Variants in LTBP2 observed in about 807,000 individuals in gnomAD.
The protein encoded by LTBP2 is latent-transforming growth factor beta-binding protein 2.
Under a neutral mutation model 210.6 loss-of-function variants are expected in LTBP2, and 103 were observed. The observed-to-expected ratio is 0.49, with a 90% CI of 0.42 to 0.58. The LOEUF (loss-of-function observed/expected upper bound fraction) is 0.58. Among genes scored for constraint, LTBP2 ranks in the 20% least tolerant of loss-of-function variants. LTBP2 has a pLI of 0.00. For synonymous variants in LTBP2, 1,007 were observed against 1,015.0 expected (o/e 0.99, Z 0.15); for missense variants, 2,313 against 2,494.5 (o/e 0.93, Z 1.55).
chr14:74,562,530 T>G (rs1161453574), intron 3 of LTBP2, among the ~76,000 whole-genome samples: 1 of 152,094 alleles, frequency 6.6e-6, no homozygotes, highest in Non-Finnish European at 1.5e-5. Context: ...AGAGAAAAGA[T>G]GAGTCTCCAT....
At chr14:74,588,200 T>C (rs1356560447) in intron 2 of LTBP2, among the ~76,000 whole-genome samples, 1 of 152,138 alleles carries the variant, frequency 6.6e-6, no homozygotes, top group African/African-American at 2.4e-5. Flanking sequence ...CTGCCATTAG[T>C]TTTTGTTGTT....
chr14:74,555,508 G>A lies in LTBP2; in HGVS notation c.1016C>T (p.Pro339Leu), dbSNP rs1416704433. ...QAVPLEHPSS[P>L]WGLNLTEKIK... ...CCAAGACAGGGTATCCTTACCCCAG[G>A]GGGATGAGGGGTGCTCCAGAGGTAC... The change falls in exon 4 of 36, where the codon CCC (proline) becomes CTC (leucine). Residue 339 changes from proline (P) to leucine (L), a missense_variant. Physicochemically the swap from Pro to Leu is moderately conservative, Grantham distance 98 (BLOSUM62 -3). This residue lies in a region of LTBP2 where 1,867 missense variants were observed against 1,976.9 expected (regional missense o/e 0.94). Coordinates refer to ENST00000261978, the MANE Select transcript of LTBP2 (RefSeq NM_000428.3). 1.2e-6 allele frequency: 2 copies of A among 1,613,672 alleles called. No homozygotes were observed. The highest frequency in any genetic ancestry group is 1.7e-5 in the Admixed American group (1 of 59,976).
intron 17 of LTBP2, 91 bp from the exon 18 acceptor site, chr14:74,517,032 G>A: frequency 6.7e-7 from 1 of 1,494,234 alleles, no homozygotes; most frequent in South Asian, 1.2e-5. Context: ...TAGAGGCCAA[G>A]GACAAAGGAT....
intron 8 of LTBP2, among the ~76,000 whole-genome samples, chr14:74,539,931 C>T (rs1176320846): frequency 6.6e-6 from 1 of 152,170 alleles, no homozygotes; most frequent in Non-Finnish European, 1.5e-5. Context: ...ATGGTCTCCT[C>T]CCTAATAAGG....
Position 74,509,733 on chromosome 14 carries a change from C to T in LTBP2, c.3277+1G>A. The T allele has an allele frequency of 6.2e-7, 1 of 1,614,106 alleles. No individual in the cohort carries two copies. Among genetic ancestry groups the T allele is most frequent in the Non-Finnish European group, 8.5e-7 (1 of 1,180,014 alleles). ...TTCCACCACTGCCTCCCCAGGGTTA[C>T]CTTCACAGGCAGTGCCGTCTTCATT... is the stretch of plus-strand genomic sequence containing the variant. On this transcript the variant is annotated splice_donor_variant, in intron 21 of 35. Coordinates refer to ENST00000261978, the MANE Select transcript of LTBP2 (RefSeq NM_000428.3). LOFTEE classifies it high-confidence loss of function.
intron 3 of LTBP2, among the ~76,000 whole-genome samples, chr14:74,566,575 C>T (rs1186628664): frequency 6.6e-6 from 1 of 152,162 alleles, no homozygotes; most frequent in Non-Finnish European, 1.5e-5. Context: ...GCCAGGCAGG[C>T]CCTTGGCTGC....
chr14:74,611,170 C>CGCGG (rs1364502348), intron 1 of LTBP2, among the ~76,000 whole-genome samples: 2 of 152,228 alleles, frequency 1.3e-5, no homozygotes, highest in South Asian at 2.1e-4. Context: ...GCAGGAGGAA[C>CGCGG]GCGGGCGAGT....
chr14:74,528,843 G>A lies in LTBP2; in HGVS notation c.2152+115C>T, dbSNP rs2087312083. On this transcript the variant is annotated intron_variant, in intron 11 of 35. Coordinates refer to ENST00000261978, the MANE Select transcript of LTBP2 (RefSeq NM_000428.3). ...CAGGTTGGGATAAGCACGTGAGCAG[G>A]CAGGGAAGGCTACTTCAGTCTTCCA... 6 of 1,516,380 alleles carry A rather than the reference G, an allele frequency of 4.0e-6. No individual in the cohort carries two copies. The East Asian group carries it at 9.5e-5, about 24-fold the overall frequency. 93.9% of individuals were successfully genotyped at this position (1,516,380 alleles called of 1,614,324 possible). A position where few individuals can be genotyped will look rare whatever the true frequency, so the allele number is the denominator to read the frequency against.
In LTBP2 at chr14:74,508,966, CAG is replaced by C. The variant is rs754658795; in HGVS notation, c.3404-16_3404-15del. The C allele has an allele frequency of 2.0e-5, 33 of 1,612,866 alleles. No individual in the cohort carries two copies. The highest frequency in any genetic ancestry group is 2.6e-5 in the Non-Finnish European group (31 of 1,179,780). On this transcript the variant is annotated splice_polypyrimidine_tract_variant and intron_variant, in intron 22 of 35. Coordinates refer to ENST00000261978, the MANE Select transcript of LTBP2 (RefSeq NM_000428.3). ...ATTCATCCACATCTGCAGGGCCACA[CAG>C]GGGAGGAAGACAGCCGATGGCAGCA...
chr14:74,501,425 A>G lies in LTBP2; in HGVS notation c.5320+16T>C, dbSNP rs2086908744. ...AGTGGGCCAGCCTGACTCCTCCATC[A>G]GAATTCTGCACTTACCTACGCAGGC... On this transcript the variant is annotated intron_variant, in intron 35 of 35. Coordinates refer to ENST00000261978, the MANE Select transcript of LTBP2 (RefSeq NM_000428.3). 1 of 1,613,902 alleles carries G rather than the reference A, an allele frequency of 6.2e-7. No individual in the cohort carries two copies. The highest frequency in any genetic ancestry group is 8.5e-7 in the Non-Finnish European group (1 of 1,180,000).
intron 26 of LTBP2, 65 bp from the exon 27 acceptor site, chr14:74,506,888 C>CGTGCGCGCGT (rs1555347824): frequency 7.4e-5 from 104 of 1,404,386 alleles, no homozygotes; most frequent in Non-Finnish European, 4.9e-6. Flanking sequence ...TGCGCGCGCG[C>CGTGCGCGCGT]GTGTGTGCTC....
chr14:74,605,594 G>C (rs1213282030), intron 1 of LTBP2, among the ~76,000 whole-genome samples: 1 of 152,232 alleles, frequency 6.6e-6, no homozygotes, highest in Non-Finnish European at 1.5e-5. Flanking sequence ...GGAGGGCTCT[G>C]AGAGGAAACA....
chr14:74,524,885 TC>T (rs912005258), intron 15 of LTBP2, among the ~76,000 whole-genome samples: 1 of 152,176 alleles, frequency 6.6e-6, no homozygotes, highest in Non-Finnish European at 1.5e-5. Context: ...TCCCTTCTCT[TC>T]CCCCTTCTGG....
chr14:74,565,403 G>A (rs1041220631), intron 3 of LTBP2, among the ~76,000 whole-genome samples: 2 of 152,188 alleles, frequency 1.3e-5, no homozygotes, highest in Non-Finnish European at 1.5e-5. Context: ...AAAGAGAGGC[G>A]AGCTGGAGGC....
At chr14:74,557,998 G>A (rs1455829329) in intron 3 of LTBP2, among the ~76,000 whole-genome samples, 1 of 152,196 alleles carries the variant, frequency 6.6e-6, no homozygotes, top group African/African-American at 2.4e-5. Flanking sequence ...CCTTGCCCAA[G>A]TGGGATAAGG....
intron 18 of LTBP2, 75 bp from the exon 19 acceptor site, chr14:74,511,439 C>T: frequency 6.3e-7 from 1 of 1,587,894 alleles, no homozygotes; most frequent in African/African-American, 1.3e-5. Flanking sequence ...ACAGCAAATC[C>T]TTGTCCCTGC....
Position 74,542,909 on chromosome 14 carries a change from G to A in LTBP2, c.1790-6909C>T, listed in dbSNP as rs77147138. ...AGCCTCCTGAGTAAACAGGATTACAGCCACGCGCTGCCACACCCAGCTAAT... is the reference window on the plus strand; with the variant it reads ...AGCCTCCTGAGTAAACAGGATTACAACCACGCGCTGCCACACCCAGCTAAT... On this transcript the variant is annotated intron_variant, in intron 8 of 35. Transcript: ENST00000261978. 0.012 allele frequency among the ~76,000 whole-genome samples: 1,845 copies of A among 151,942 alleles called. 67 individuals carry two copies. The East Asian group carries it at 0.14, about 12-fold the overall frequency.
intron 2 of LTBP2, among the ~76,000 whole-genome samples, chr14:74,598,697 GAC>G (rs2088404370): frequency 6.6e-6 from 1 of 152,174 alleles, no homozygotes; most frequent in Non-Finnish European, 1.5e-5. Flanking sequence ...AGGCAACCGA[GAC>G]ACAAAGACTT....
At position 74,586,882 on chromosome 14, in the gene LTBP2, G is replaced by A. The variant is rs1453226274; in HGVS notation, c.566-764C>T. On this transcript the variant is annotated intron_variant, in intron 2 of 35. Transcript: ENST00000261978. This position sits in a 1 kb window ranked among gnomAD's most constrained non-coding sequence, Gnocchi z 4.6. ...CCGCTGCCGGCCAGGTAAGTGCCCC[G>A]CTCTGTGGGGCCTCTGTTCAGGCTC... Among the ~76,000 whole-genome samples the A allele has an allele frequency of 7.2e-5, 11 of 152,200 alleles. No individual in the cohort carries two copies. Among genetic ancestry groups the A allele is most frequent in the Non-Finnish European group, 1.5e-4 (10 of 68,034 alleles).
Sources: gnomAD v4.1 joint callset for allele counts (sites outside exome capture counted in the v4.1 genomes callset) on GRCh38, gnomAD v4.1.1 for gene constraint, gnomAD v4.1.1 regional missense constraint, Gnocchi (gnomAD v3.1) non-coding constraint, MANE v1.5 for transcripts, NCBI Gene and HGNC (gene_info 2026-07-23, HGNC 2026-07-21) for gene names.